Variants in COA7 observed in about 807,000 individuals in gnomAD.
The protein encoded by COA7 is Sel1 repeat containing 1.
COA7 carries 12 observed loss-of-function variants against 21.0 expected under a neutral mutation model. The observed-to-expected ratio is 0.57, with a 90% CI of 0.37 to 0.92. The LOEUF (loss-of-function observed/expected upper bound fraction) is 0.92, where lower values mean the gene tolerates loss of function less well. Among genes scored for constraint, COA7 ranks in the 40% least tolerant of loss-of-function variants. The probability of loss-of-function intolerance (pLI) is 0.01; values close to 1 mark genes in which losing one functional copy is unlikely to be tolerated. For missense variants in COA7, 240 were observed against 286.1 expected (o/e 0.84, Z 1.16); for synonymous variants, 95 against 107.4 (o/e 0.88, Z 0.72).
chr1:52,687,917 C>T lies in COA7; in HGVS notation c.499G>A (p.Asp167Asn), dbSNP rs1375657209. 1 of 1,614,238 alleles carries T rather than the reference C, an allele frequency of 6.2e-7. No individual in the cohort carries two copies. The highest frequency in any genetic ancestry group is 8.5e-7 in the Non-Finnish European group (1 of 1,180,046). ...GAGTATTTACATGCCAGGTCCATGT[C>T]CTTGGGAAAGCCTGGGGCACCCTGC... ...FLQGAPGFPKDMDLACKYSMK... is the reference protein window; with the variant it reads ...FLQGAPGFPKNMDLACKYSMK... Residue 167 changes from aspartate to asparagine, a missense_variant, in exon 3 of 3, where the codon GAC becomes AAC. Asp to Asn is a conservative substitution (Grantham distance 23). Around this residue, in one of 3 missense-constraint regions of COA7, gnomAD observed 163 missense variants for 214.1 expected, o/e 0.76. Coordinates refer to ENST00000371538, the MANE Select transcript of COA7 (RefSeq NM_023077.3).
intron 1 of COA7, chr1:52,697,885 T>A: frequency 4.0e-6 from 1 of 250,122 alleles, no homozygotes; most frequent in Non-Finnish European, 7.7e-6. Context: ...ACTTACTACT[T>A]TCGAACACGA....
intron 1 of COA7, among the ~76,000 whole-genome samples, chr1:52,697,043 A>G (rs1221212992): frequency 6.6e-6 from 1 of 152,068 alleles, no homozygotes; most frequent in African/African-American, 2.4e-5. Flanking sequence ...CAGGAGGCAA[A>G]GGTTGCAGTG....
In COA7 at chr1:52,693,824, T is replaced by A. The variant is rs555841790; in HGVS notation, c.107-957A>T. ...TCTTTACCCCCAGTGACAACATATA[T>A]CTCTCATTCATTTTCGTTCAACAAA... On this transcript the variant is annotated intron_variant, in intron 1 of 2. Coordinates refer to ENST00000371538, the MANE Select transcript of COA7 (RefSeq NM_023077.3). Among the ~76,000 whole-genome samples the A allele has an allele frequency of 3.9e-5, 6 of 152,206 alleles. No homozygotes were observed. The East Asian group carries it at 1.2e-3, about 29-fold the overall frequency.
At chr1:52,697,799 C>T (rs911545287) in intron 1 of COA7, 1 of 157,234 alleles carries the variant, frequency 6.4e-6, no homozygotes, top group African/African-American at 2.4e-5. Flanking sequence ...GTTTCGATCT[C>T]CTGACCTCGT....
intron 1 of COA7, 112 bp from the exon 2 acceptor site, chr1:52,692,979 A>C (rs1268099516): frequency 8.8e-7 from 1 of 1,137,096 alleles, no homozygotes; most frequent in African/African-American, 1.5e-5. Flanking sequence ...CTTTTAAGAC[A>C]GCCCCTGTCC....
At position 52,698,251 on chromosome 1, in the gene COA7, A is replaced by T; in HGVS notation, c.76T>A (p.Tyr26Asn). Residue 26 changes from tyrosine to asparagine, a missense_variant, in exon 1 of 3, where the codon TAC becomes AAC. This residue lies in a region of COA7 where 71 missense variants were observed against 54.7 expected (regional missense o/e 1.30). Transcript: ENST00000371538. ...FLENMEVECN[Y>N]HCYHEKDPDG... ...GGGTCCTTCTCGTGGTAGCAGTGGTAGTTGCACTCCACCTCCATGTTCTCC... is the reference window on the plus strand; with the variant it reads ...GGGTCCTTCTCGTGGTAGCAGTGGTTGTTGCACTCCACCTCCATGTTCTCC... 6.2e-7 allele frequency: 1 copy of T among 1,612,472 alleles called. No homozygotes were observed. Among genetic ancestry groups the T allele is most frequent in the Non-Finnish European group, 8.5e-7 (1 of 1,179,540 alleles).
At chr1:52,697,217 G>C (rs1644090690) in intron 1 of COA7, among the ~76,000 whole-genome samples, 1 of 152,146 alleles carries the variant, frequency 6.6e-6, no homozygotes, top group African/African-American at 2.4e-5. Context: ...GGACAACGTA[G>C]TGACATACTA....
chr1:52,694,409 G>C (rs537652993), intron 1 of COA7, among the ~76,000 whole-genome samples: 1 of 143,154 alleles, frequency 7.0e-6, no homozygotes, highest in Non-Finnish European at 1.5e-5. Flanking sequence ...GCGGTGAGCC[G>C]AGATAGCGCC....
At chr1:52,697,630 T>A (rs1436038973) in intron 1 of COA7, among the ~76,000 whole-genome samples, 1 of 152,218 alleles carries the variant, frequency 6.6e-6, no homozygotes, top group Non-Finnish European at 1.5e-5. Context: ...TGGAGTGCAG[T>A]GGCGCGATCT....
At chr1:52,688,756 AG>A (rs1351588792) in intron 2 of COA7, among the ~76,000 whole-genome samples, 1 of 152,186 alleles carries the variant, frequency 6.6e-6, no homozygotes, top group East Asian at 1.9e-4. Context: ...CAGACCTCCT[AG>A]CTTTCTCAGC....
chr1:52,697,291 G>T (rs769115799), intron 1 of COA7, among the ~76,000 whole-genome samples: 51 of 152,090 alleles, frequency 3.4e-4, no homozygotes, highest in Non-Finnish European at 6.5e-4. Flanking sequence ...CCACCCAAAG[G>T]TATTAGCTGC....
intron 1 of COA7, among the ~76,000 whole-genome samples, chr1:52,697,717 C>A (rs187158436): frequency 6.6e-6 from 1 of 151,992 alleles, no homozygotes; most frequent in East Asian, 1.9e-4. Context: ...GGAATACAGG[C>A]GCCTGCCACC....
chr1:52,694,318 G>A (rs1171122368), intron 1 of COA7, among the ~76,000 whole-genome samples: 3 of 152,016 alleles, frequency 2.0e-5, no homozygotes, highest in Non-Finnish European at 2.9e-5. Context: ...AATATTAGCC[G>A]GGCATGGTGG....
rs552678827 is a variant in COA7 at position 52,685,081 on chromosome 1, C to T, written c.*2639G>A. The T allele has an allele frequency of 6.6e-6, 1 of 152,328 alleles. No individual in the cohort carries two copies. The highest frequency in any genetic ancestry group is 2.1e-4 in the South Asian group (1 of 4,828). 9.4% of individuals were successfully genotyped at this position (152,328 alleles called of 1,614,324 possible). A position where few individuals can be genotyped will look rare whatever the true frequency, so the allele number is the denominator to read the frequency against. On this transcript the variant is annotated 3_prime_UTR_variant, in exon 3 of 3. Coordinates refer to ENST00000371538, the MANE Select transcript of COA7 (RefSeq NM_023077.3). ...TTATAGATAAAGCTGCTATAAACAT[C>T]CATGTGCTGGTTTTTGTGTGGACAT...
Position 52,692,686 on chromosome 1 carries a change from T to G in COA7, c.247+41A>C. 4.3e-6 allele frequency: 7 copies of G among 1,612,434 alleles called. No individual in the cohort carries two copies. In the South Asian group the frequency reaches 7.7e-5, roughly 18 times the overall value. ...TGGGGCTCAGGTGTGAGGCCAGCAC[T>G]GCTATCAATGACAAGGACCCAAAAG... On this transcript the variant is annotated intron_variant, in intron 2 of 2. Coordinates refer to ENST00000371538, the MANE Select transcript of COA7 (RefSeq NM_023077.3).
At chr1:52,693,017 C>T (rs1044352970) in intron 1 of COA7, 150 bp from the exon 2 acceptor site, 8 of 762,000 alleles carry the variant, frequency 1.0e-5, no homozygotes, top group African/African-American at 3.4e-5. Context: ...TTGGCCTTAC[C>T]ACAAAGAATG....
At chr1:52,689,983 C>T (rs1019396571) in intron 2 of COA7, among the ~76,000 whole-genome samples, 11 of 147,628 alleles carry the variant, frequency 7.5e-5, no homozygotes, top group South Asian at 2.1e-4. Context: ...GCAGAGATCG[C>T]GCCATTGCAC....
At position 52,688,175 on chromosome 1, in the gene COA7, G is replaced by A. The variant is rs1644019793; in HGVS notation, c.248-7C>T. 2 of 1,603,112 alleles carry A rather than the reference G, an allele frequency of 1.2e-6. No homozygotes were observed. The highest frequency in any genetic ancestry group is 1.7e-6 in the Non-Finnish European group (2 of 1,177,362). Reference sequence around the variant, plus strand: ...AGGTCCTGGGTCAGACCACCTGAGAGGAAGGAAAGTAGGAAAAAATAAACC... The same window carrying A: ...AGGTCCTGGGTCAGACCACCTGAGAAGAAGGAAAGTAGGAAAAAATAAACC... On this transcript the variant is annotated splice_polypyrimidine_tract_variant and splice_region_variant and intron_variant, in intron 2 of 2. Transcript: ENST00000371538.
At position 52,684,777 on chromosome 1, in the gene COA7, T is replaced by G. The variant is rs1291669438; in HGVS notation, c.*2943A>C. Reference sequence around the variant, plus strand: ...CTAAAAATCTTCTGTGCTCCAATTATTCCTCCCTCCCCTCCCCCACCCACT... The same window carrying G: ...CTAAAAATCTTCTGTGCTCCAATTAGTCCTCCCTCCCCTCCCCCACCCACT... On this transcript the variant is annotated 3_prime_UTR_variant, in exon 3 of 3. Transcript: ENST00000371538. The G allele has an allele frequency of 6.6e-6, 1 of 152,088 alleles. No homozygotes were observed. Among genetic ancestry groups the G allele is most frequent in the African/African-American group, 2.4e-5 (1 of 41,414 alleles). 9.4% of individuals were successfully genotyped at this position (152,088 alleles called of 1,614,324 possible).
Sources: allele counts gnomAD v4.1 joint callset (sites outside exome capture counted in the v4.1 genomes callset), GRCh38; gene constraint gnomAD v4.1.1; regional missense constraint gnomAD v4.1.1; transcripts MANE v1.5; gene names NCBI Gene and HGNC (gene_info 2026-07-23, HGNC 2026-07-21).